Variants in PLXDC2 observed in about 807,000 individuals in gnomAD.
PLXDC2 encodes the protein plexin domain-containing protein 2.
In PLXDC2, 40 loss-of-function variants were observed where a neutral mutation model predicts 68.9. The ratio of observed to expected loss-of-function variants is 0.58; its 90% CI spans 0.45 to 0.76. The LOEUF (loss-of-function observed/expected upper bound fraction) is 0.76. PLXDC2 is among the 30% of genes least tolerant of loss of function. The pLI, the probability that PLXDC2 is intolerant of heterozygous loss-of-function variation, is 0.00. For missense variants in PLXDC2, 644 were observed against 661.9 expected (o/e 0.97, Z 0.30); for synonymous variants, 243 against 234.2 (o/e 1.04, Z -0.34).
At chr10:19,989,212 C>A (rs1834703754) in intron 1 of PLXDC2, among the ~76,000 whole-genome samples, 1 of 152,108 alleles carries the variant, frequency 6.6e-6, no homozygotes, top group South Asian at 2.1e-4. Flanking sequence ...TTTTTACAAG[C>A]AAAAGTTTGT....
intron 2 of PLXDC2, among the ~76,000 whole-genome samples, chr10:20,006,484 C>T (rs1489391593): frequency 7.2e-5 from 11 of 152,116 alleles, no homozygotes. Flanking sequence ...TTATGTGTAT[C>T]ACAGTGAGAC....
In PLXDC2 at chr10:20,122,401, C is replaced by T. The variant is rs970218201; in HGVS notation, c.542-20894C>T. Among the ~76,000 whole-genome samples, 8 of 152,196 alleles carry T rather than the reference C, an allele frequency of 5.3e-5. No individual in the cohort carries two copies. The East Asian group carries it at 1.2e-3, about 22-fold the overall frequency. On this transcript the variant is annotated intron_variant, in intron 4 of 13. Transcript: ENST00000377252. ...CGTCCGTGATGGTCTAGGGGGCTTT[C>T]GAGGCGATTGGGCAGCATCAGTCTT...
chr10:20,285,009 AC>A lies in PLXDC2; in HGVS notation c.*5191del, dbSNP rs924946595. Reference sequence around the variant, plus strand: ...ATCTGTGGCCATCTAAGTTAGCAATACAATTTATTTTGGCCATTTAAAATTT... The same window carrying A: ...ATCTGTGGCCATCTAAGTTAGCAATAAATTTATTTTGGCCATTTAAAATTT... On this transcript the variant is annotated 3_prime_UTR_variant, in exon 14 of 14. Coordinates refer to ENST00000377252, the MANE Select transcript of PLXDC2 (RefSeq NM_032812.9). The A allele has an allele frequency of 2.6e-5, 4 of 152,210 alleles. No homozygotes were observed. Among genetic ancestry groups the A allele is most frequent in the African/African-American group, 7.2e-5 (3 of 41,454 alleles). 9.4% of individuals were successfully genotyped at this position (152,210 alleles called of 1,614,324 possible). A position where few individuals can be genotyped will look rare whatever the true frequency, so the allele number is the denominator to read the frequency against.
chr10:19,819,124 G>A (rs554528025), intron 1 of PLXDC2, among the ~76,000 whole-genome samples: 5 of 151,766 alleles, frequency 3.3e-5, no homozygotes, highest in Non-Finnish European at 5.9e-5. Flanking sequence ...TCATCCCAAA[G>A]TAAGATTGGC....
chr10:20,039,573 A>T (rs1351554997), intron 2 of PLXDC2, among the ~76,000 whole-genome samples: 1 of 152,214 alleles, frequency 6.6e-6, no homozygotes, highest in Non-Finnish European at 1.5e-5. Context: ...TTATGATAGA[A>T]ATTCTATAGA....
rs116955093 is a variant in PLXDC2 at position 19,993,284 on chromosome 10, A to G, written c.113-8491A>G. 1.6e-3 allele frequency among the ~76,000 whole-genome samples: 238 copies of G among 150,982 alleles called. 1 individual carries two copies. Among genetic ancestry groups the G allele is most frequent in the Non-Finnish European group, 2.0e-3 (136 of 67,818 alleles). ...AATTATGGCTCATTAGGCTTGGCAT[A>G]CTTTATATTTTCCATAGGATAGTAT... On this transcript the variant is annotated intron_variant, in intron 1 of 13. Transcript: ENST00000377252.
chr10:19,909,732 C>T (rs1000959063), intron 1 of PLXDC2, among the ~76,000 whole-genome samples: 1 of 152,118 alleles, frequency 6.6e-6, no homozygotes, highest in Non-Finnish European at 1.5e-5. Context: ...AATGCCTATA[C>T]AGAATAGACA....
chr10:19,927,713 C>CA (rs35250324), intron 1 of PLXDC2, among the ~76,000 whole-genome samples: 6,533 of 53,654 alleles, frequency 0.12, 434 homozygotes, highest in African/African-American at 0.22. Context: ...GGAAAAAAAG[C>CA]AAAAAAAAAA....
At chr10:20,177,431 T>G (rs770984632) in intron 9 of PLXDC2, 22 bp downstream of exon 9, 22 of 1,170,728 alleles carry the variant, frequency 1.9e-5, no homozygotes, top group Admixed American at 1.1e-4. Context: ...ATAATAAGAA[T>G]AATAATAAAA....
At chr10:20,214,853 CAA>C (rs1215804588) in intron 10 of PLXDC2, among the ~76,000 whole-genome samples, 5 of 152,042 alleles carry the variant, frequency 3.3e-5, no homozygotes, top group Non-Finnish European at 5.9e-5. Context: ...AGTAGAAACA[CAA>C]AGAGAGAATA....
At chr10:19,915,522 A>G (rs574480764) in intron 1 of PLXDC2, among the ~76,000 whole-genome samples, 1 of 152,320 alleles carries the variant, frequency 6.6e-6, no homozygotes, top group South Asian at 2.1e-4. Context: ...TCATGAGAAA[A>G]TGAGTAGTGT....
intron 9 of PLXDC2, among the ~76,000 whole-genome samples, chr10:20,182,745 G>A (rs1038640812): frequency 1.3e-5 from 2 of 151,694 alleles, no homozygotes; most frequent in South Asian, 2.1e-4. Flanking sequence ...TTGTTGCATA[G>A]GTATACATGT....
At chr10:19,976,136 G>T (rs992304221) in intron 1 of PLXDC2, among the ~76,000 whole-genome samples, 2 of 152,156 alleles carry the variant, frequency 1.3e-5, no homozygotes, top group Non-Finnish European at 2.9e-5. Context: ...AATTTTGAAG[G>T]CATTGCTCTT....
At chr10:20,143,444 C>T (rs1266492078) in intron 5 of PLXDC2, 27 bp downstream of exon 5, 7 of 1,609,114 alleles carry the variant, frequency 4.4e-6, no homozygotes, top group Non-Finnish European at 5.9e-6. Context: ...CTATTTTTTG[C>T]TGCATGTATA....
At chr10:20,254,845 A>C (rs1411693993) in intron 13 of PLXDC2, among the ~76,000 whole-genome samples, 4 of 152,172 alleles carry the variant, frequency 2.6e-5, no homozygotes, top group Non-Finnish European at 5.9e-5. Flanking sequence ...TAGAATTTTT[A>C]TTCATGAACA....
intron 6 of PLXDC2, among the ~76,000 whole-genome samples, chr10:20,155,510 A>G (rs1834205818): frequency 6.6e-6 from 1 of 152,142 alleles, no homozygotes; most frequent in Admixed American, 6.6e-5. Flanking sequence ...GGAAAAGAAA[A>G]CCAGATTGAA....
At chr10:20,072,292 C>T (rs1051590095) in intron 4 of PLXDC2, among the ~76,000 whole-genome samples, 9 of 151,380 alleles carry the variant, frequency 5.9e-5, no homozygotes, top group South Asian at 2.1e-4. Flanking sequence ...ATCGCTTGAA[C>T]GCTGGAGGAG....
rs149974006 is a variant in PLXDC2, at chr10:20,138,492, G to A, written c.542-4803G>A. Among the ~76,000 whole-genome samples the A allele has an allele frequency of 2.3e-3, 357 of 152,260 alleles. 2 individuals are homozygous for A. The highest frequency in any genetic ancestry group is 7.3e-3 in the African/African-American group (303 of 41,548). ...AACAGTCTGTAACATTTGGAATTGCGAGACCTATACTACCCATGTGGCTTT... is the reference window on the plus strand; with the variant it reads ...AACAGTCTGTAACATTTGGAATTGCAAGACCTATACTACCCATGTGGCTTT... On this transcript the variant is annotated intron_variant, in intron 4 of 13. Transcript: ENST00000377252.
chr10:19,878,384 A>T (rs1837672556), intron 1 of PLXDC2, among the ~76,000 whole-genome samples: 1 of 152,150 alleles, frequency 6.6e-6, no homozygotes, highest in South Asian at 2.1e-4. Context: ...ATAAAAGCTT[A>T]TTGCCATCTC....
Sources: gnomAD v4.1 joint callset for allele counts (sites outside exome capture counted in the v4.1 genomes callset) on GRCh38, gnomAD v4.1.1 for gene constraint, MANE v1.5 for transcripts, NCBI Gene and HGNC (gene_info 2026-07-23, HGNC 2026-07-21) for gene names.